PIR: variants seen among roughly 807,000 people sequenced by gnomAD.
PIR encodes pirin.
PIR carries 22 observed loss-of-function variants against 24.2 expected under a neutral mutation model. That is an observed-to-expected ratio of 0.91 (90% CI 0.65 to 1.30). PIR has a LOEUF of 1.30. PIR is among the 50% of genes most tolerant of loss of function. The probability of loss-of-function intolerance (pLI) is 0.00; values close to 1 mark genes in which losing one functional copy is unlikely to be tolerated. For missense variants in PIR, 220 were observed against 220.3 expected (o/e 1.00, Z 0.01); for synonymous variants, 80 against 79.6 (o/e 1.00, Z -0.03).
chrX:15,462,349 T>C lies in PIR; in HGVS notation c.190-2609A>G, dbSNP rs1602284059. On this transcript the variant is annotated intron_variant, in intron 3 of 9. Transcript: ENST00000380420. ...CATGGGCTCTTTTTGTGTAATCTAT[T>C]TGGATTCGACATCCATTTTGTATGC... Among the ~76,000 whole-genome samples, 5 of 112,396 alleles carry C rather than the reference T, an allele frequency of 4.4e-5. No individual in the cohort carries two copies. The East Asian group carries it at 1.1e-3, about 25-fold the overall frequency.
intron 6 of PIR, among the ~76,000 whole-genome samples, chrX:15,409,408 A>C (rs992315092): frequency 1.8e-5 from 2 of 111,188 alleles, no homozygotes; most frequent in Admixed American, 9.6e-5. Context: ...ACTCATATTT[A>C]GTCTTCCGAG....
intron 6 of PIR, among the ~76,000 whole-genome samples, chrX:15,413,396 C>T (rs1267382388): frequency 1.8e-5 from 2 of 111,292 alleles, no homozygotes; most frequent in African/African-American, 3.3e-5. Flanking sequence ...ATTTTTGCGA[C>T]GTCTCCCAAA....
intron 3 of PIR, among the ~76,000 whole-genome samples, chrX:15,472,782 A>G (rs772199031): frequency 6.2e-5 from 7 of 112,341 alleles, no homozygotes; most frequent in African/African-American, 2.3e-4. Context: ...ACTACTTTTT[A>G]AAAAGCTTTG....
intron 5 of PIR, among the ~76,000 whole-genome samples, chrX:15,453,760 A>G (rs16997042): frequency 0.031 from 3,512 of 111,849 alleles, 140 homozygotes; most frequent in African/African-American, 0.11. Flanking sequence ...GCTGCTTGAA[A>G]GTGCTTTACT....
rs746597407 is a variant in PIR, at chrX:15,471,652, A to C, written c.189+8077T>G. 3.6e-5 allele frequency among the ~76,000 whole-genome samples: 4 copies of C among 111,777 alleles called. No individual in the cohort carries two copies. The South Asian group carries it at 1.5e-3, about 42-fold the overall frequency. The stretch of plus-strand genomic sequence containing the variant: ...TTACCTCCACTATCCAGAGAGTCAA[A>C]TCTTACTTATTGGTTAAGGCCTTAC... On this transcript the variant is annotated intron_variant, in intron 3 of 9. Coordinates refer to ENST00000380420, the MANE Select transcript of PIR (RefSeq NM_001018109.3).
At position 15,409,210 on chromosome X, in the gene PIR, C is replaced by T. The variant is rs182251804; in HGVS notation, c.566-1660G>A. On this transcript the variant is annotated intron_variant, in intron 6 of 9. Transcript: ENST00000380420. Reference sequence around the variant, plus strand: ...GCCTCCCGGGTTCACACCATTCTCCCGCCTCAGCCTCCCGAGTAGCTGGGA... The same window carrying T: ...GCCTCCCGGGTTCACACCATTCTCCTGCCTCAGCCTCCCGAGTAGCTGGGA... Among the ~76,000 whole-genome samples the T allele has an allele frequency of 4.6e-3, 489 of 106,228 alleles. 6 individuals carry two copies. Among genetic ancestry groups the T allele is most frequent in the African/African-American group, 0.016 (445 of 28,525 alleles). The allele number at this position is 106,228 out of a possible 115,157, so 92.2% of individuals were successfully genotyped here.
At chrX:15,460,693 C>G (rs761503916) in intron 3 of PIR, among the ~76,000 whole-genome samples, 2 of 111,433 alleles carry the variant, frequency 1.8e-5, no homozygotes, top group African/African-American at 3.3e-5. Flanking sequence ...AAGAGAGTAA[C>G]CTTCTGTGCT....
At position 15,421,289 on chromosome X, in the gene PIR, T is replaced by C. The variant is rs932347191; in HGVS notation, c.565+4617A>G. The stretch of plus-strand genomic sequence containing the variant: ...TCCAAAATTAGTAGAAGGAAAGAAA[T>C]AATCAAGATCAGAGTAGAAGTAAAT... On this transcript the variant is annotated intron_variant, in intron 6 of 9. Coordinates refer to ENST00000380420, the MANE Select transcript of PIR (RefSeq NM_001018109.3). 3.6e-5 allele frequency among the ~76,000 whole-genome samples: 4 copies of C among 111,833 alleles called. No homozygotes were observed. In the South Asian group the frequency reaches 1.5e-3, roughly 41 times the overall value.
intron 2 of PIR, among the ~76,000 whole-genome samples, chrX:15,488,568 T>A (rs1250422880): frequency 8.9e-6 from 1 of 111,935 alleles, no homozygotes; most frequent in African/African-American, 3.3e-5. Flanking sequence ...ATGCTACCAT[T>A]GTTAAATGAA....
At chrX:15,395,775 C>G (rs1445878450) in intron 8 of PIR, among the ~76,000 whole-genome samples, 1 of 112,264 alleles carries the variant, frequency 8.9e-6, no homozygotes, top group East Asian at 2.8e-4. Flanking sequence ...ACACATGCTG[C>G]CTTTAAATGC....
At chrX:15,488,234 T>C (rs1371515444) in intron 2 of PIR, among the ~76,000 whole-genome samples, 2 of 90,975 alleles carry the variant, frequency 2.2e-5, no homozygotes, top group East Asian at 3.3e-4. Context: ...GCTGAGATCA[T>C]GCCATTGCAC....
chrX:15,438,026 C>T (rs1477679380), intron 5 of PIR, among the ~76,000 whole-genome samples: 1 of 112,571 alleles, frequency 8.9e-6, no homozygotes, highest in Non-Finnish European at 1.9e-5. Flanking sequence ...ACTCCCCAAT[C>T]CCCAAATTTA....
chrX:15,418,453 T>G (rs990009240), intron 6 of PIR, among the ~76,000 whole-genome samples: 1 of 112,269 alleles, frequency 8.9e-6, no homozygotes, highest in Non-Finnish European at 1.9e-5. Flanking sequence ...AAGTCACCAT[T>G]AAAAAACTAC....
At chrX:15,446,700 T>A (rs1185230186) in intron 5 of PIR, among the ~76,000 whole-genome samples, 11 of 111,339 alleles carry the variant, frequency 9.9e-5, no homozygotes, top group Non-Finnish European at 2.1e-4. Context: ...TGCCATGATT[T>A]CTAGCGTGCT....
At chrX:15,411,367 G>C (rs1330431017) in intron 6 of PIR, among the ~76,000 whole-genome samples, 2 of 111,448 alleles carry the variant, frequency 1.8e-5, no homozygotes, top group Non-Finnish European at 3.8e-5. Context: ...TTCCAGAGAG[G>C]CTCCTAATTC....
chrX:15,487,052 G>A (rs1289744534), intron 2 of PIR, among the ~76,000 whole-genome samples: 1 of 111,528 alleles, frequency 9.0e-6, no homozygotes, highest in Non-Finnish European at 1.9e-5. Context: ...CAACACCTCA[G>A]GCTACCTTCT....
intron 6 of PIR, among the ~76,000 whole-genome samples, chrX:15,425,416 T>C (rs946519149): frequency 4.9e-5 from 5 of 101,759 alleles, no homozygotes; most frequent in Admixed American, 1.0e-4. Context: ...TCTTTCTTTT[T>C]TTTTTTTTTT....
intron 4 of PIR, among the ~76,000 whole-genome samples, chrX:15,456,389 T>C (rs1196461972): frequency 8.9e-6 from 1 of 112,141 alleles, no homozygotes; most frequent in Non-Finnish European, 1.9e-5. Context: ...TCTCAGGAGA[T>C]ACAACTTAAG....
Position 15,491,325 on chromosome X carries a change from C to CAAA in PIR, c.-52-19_-52-17dup. ...GGATGGAGGGCTAAAGGAAGGACAACAAAAAAAAAAGAAGTCATAAAGGAG... is the reference window on the plus strand; with the variant it reads ...GGATGGAGGGCTAAAGGAAGGACAACAAAAAAAAAAAAAGAAGTCATAAAGGAG... On this transcript the variant is annotated splice_polypyrimidine_tract_variant and intron_variant, in intron 1 of 9. Transcript: ENST00000380420. 5.4e-6 allele frequency: 3 copies of CAAA among 560,020 alleles called. No individual in the cohort carries two copies. The highest frequency in any genetic ancestry group is 8.1e-6 in the Non-Finnish European group (3 of 370,538). The allele number at this position is 560,020 out of a possible 1,213,427, so 46.2% of individuals were successfully genotyped here. A position where few individuals can be genotyped will look rare whatever the true frequency, so the allele number is the denominator to read the frequency against.
Sources: gnomAD v4.1 joint callset for allele counts (sites outside exome capture counted in the v4.1 genomes callset) on GRCh38, gnomAD v4.1.1 for gene constraint, MANE v1.5 for transcripts, NCBI Gene and HGNC (gene_info 2026-07-23, HGNC 2026-07-21) for gene names.